Variants in CMIP observed in about 807,000 individuals in gnomAD.
CMIP encodes the protein C-Maf-inducing protein.
In CMIP, 13 loss-of-function variants were observed where a neutral mutation model predicts 97.3. The ratio of observed to expected loss-of-function variants is 0.13; its 90% CI spans 0.09 to 0.21. The LOEUF is 0.21. CMIP is among the 10% of genes least tolerant of loss of function. The pLI, the probability that CMIP is intolerant of heterozygous loss-of-function variation, is 1.00. For synonymous variants in CMIP, 538 were observed against 436.3 expected, an observed-to-expected ratio of 1.23 and a Z score of -2.91; for missense variants, 847 against 1,024.9, an observed-to-expected ratio of 0.83 and a Z score of 2.37.
chr16:81,490,989 C>G (rs891565558), intron 1 of CMIP, among the ~76,000 whole-genome samples: 1 of 152,102 alleles, frequency 6.6e-6, no homozygotes, highest in Non-Finnish European at 1.5e-5. Flanking sequence ...GGGGTCCAGC[C>G]TGCACACAGT....
intron 20 of CMIP, among the ~76,000 whole-genome samples, chr16:81,709,087 A>G (rs1908469913): frequency 6.6e-6 from 1 of 152,206 alleles, no homozygotes. Context: ...GGTAGCAGAA[A>G]CAGAAAGCAG....
At chr16:81,642,662 G>A (rs763632509) in intron 3 of CMIP, among the ~76,000 whole-genome samples, 9 of 152,152 alleles carry the variant, frequency 5.9e-5, no homozygotes, top group African/African-American at 1.7e-4. Context: ...TGTATCTGCC[G>A]GGCGCGGTGG....
chr16:81,698,302 G>C (rs1356389357), intron 14 of CMIP, among the ~76,000 whole-genome samples: 1 of 152,160 alleles, frequency 6.6e-6, no homozygotes. Context: ...CGGTGACCGG[G>C]GACCCCTGCC....
chr16:81,568,894 G>A (rs11649004), intron 1 of CMIP, among the ~76,000 whole-genome samples: 62,333 of 152,078 alleles, frequency 0.41, 14,780 homozygotes, highest in Non-Finnish European at 0.53. Flanking sequence ...ATAAGCCGAA[G>A]TAGCTGTGAA....
At chr16:81,568,083 A>G (rs1022663313) in intron 1 of CMIP, among the ~76,000 whole-genome samples, 3 of 147,076 alleles carry the variant, frequency 2.0e-5, no homozygotes, top group African/African-American at 7.6e-5. Flanking sequence ...AACTGTACAG[A>G]AAAGAGGCCC....
intron 1 of CMIP, among the ~76,000 whole-genome samples, chr16:81,487,276 G>A (rs911374121): frequency 2.3e-4 from 35 of 152,198 alleles, no homozygotes; most frequent in African/African-American, 7.7e-4. Flanking sequence ...AGAAATGGTG[G>A]CCTCTGCTAA....
rs1157748603 is a variant in CMIP, at chr16:81,615,473, TTGTGTGTGTGGTG to T, written c.427-5382_427-5370del. ...TGGTGTGTGTGTGGTGTATGTGTAT[TTGTGTGTGTGGTG>T]TGTGTGTGTGGTGTGTGTGTCTGTG... On this transcript the variant is annotated intron_variant, in intron 2 of 20. Coordinates refer to ENST00000537098, the MANE Select transcript of CMIP (RefSeq NM_198390.3). 1.7e-3 allele frequency among the ~76,000 whole-genome samples: 227 copies of T among 133,198 alleles called. 1 individual carries two copies. The highest frequency in any genetic ancestry group is 5.6e-3 in the African/African-American group (196 of 34,930). The allele number at this position is 133,198 out of a possible 152,430, so 87.4% of individuals were successfully genotyped here. A position where few individuals can be genotyped will look rare whatever the true frequency, so the allele number is the denominator to read the frequency against.
At chr16:81,583,364 G>A (rs185557624) in intron 1 of CMIP, among the ~76,000 whole-genome samples, 5 of 152,374 alleles carry the variant, frequency 3.3e-5, no homozygotes, top group African/African-American at 1.2e-4. Context: ...AGGAGGCTCT[G>A]TTCTTTAACC....
At chr16:81,495,200 C>T (rs2089467159) in intron 1 of CMIP, 1 of 810,770 alleles carries the variant, frequency 1.2e-6, no homozygotes, top group African/African-American at 1.7e-5. Flanking sequence ...CCATCATCAT[C>T]ATCATTACTG....
intron 3 of CMIP, among the ~76,000 whole-genome samples, chr16:81,634,843 G>C (rs2092214118): frequency 6.6e-6 from 1 of 152,188 alleles, no homozygotes; most frequent in Non-Finnish European, 1.5e-5. Context: ...GAACAGATCA[G>C]ATGTCCTTTG....
At chr16:81,557,636 A>G (rs2911282) in intron 1 of CMIP, among the ~76,000 whole-genome samples, 126,617 of 152,016 alleles carry the variant, frequency 0.83, 53,803 homozygotes, top group Non-Finnish European at 0.92. Flanking sequence ...TTAGCCAGGC[A>G]TGGTGGTGCA....
At chr16:81,542,271 C>G (rs894263340) in intron 1 of CMIP, among the ~76,000 whole-genome samples, 1 of 152,162 alleles carries the variant, frequency 6.6e-6, no homozygotes, top group African/African-American at 2.4e-5. Context: ...AAGTCTTTTA[C>G]CTGTGAATGA....
intron 1 of CMIP, among the ~76,000 whole-genome samples, chr16:81,586,942 C>G (rs1011346703): frequency 6.6e-6 from 1 of 152,202 alleles, no homozygotes; most frequent in Admixed American, 6.5e-5. Context: ...GGATTCAAAT[C>G]TGGGGTGTTC....
chr16:81,515,575 G>T (rs539486932), intron 1 of CMIP, among the ~76,000 whole-genome samples: 1 of 152,316 alleles, frequency 6.6e-6, no homozygotes, highest in African/African-American at 2.4e-5. Context: ...GCATCGTTAA[G>T]TGGCCATCAG....
chr16:81,533,726 G>A (rs964421812), intron 1 of CMIP, among the ~76,000 whole-genome samples: 6 of 152,120 alleles, frequency 3.9e-5, no homozygotes, highest in African/African-American at 1.4e-4. Flanking sequence ...CAGTCCACCT[G>A]CCTCTGCCTC....
At chr16:81,690,549 G>C (rs1905941038) in intron 10 of CMIP, among the ~76,000 whole-genome samples, 1 of 152,188 alleles carries the variant, frequency 6.6e-6, no homozygotes, top group Admixed American at 6.5e-5. Flanking sequence ...TGTTGTCCAG[G>C]CTAGAGTGCA....
Position 81,710,231 on chromosome 16 carries a change from G to GC in CMIP, c.*438dup, listed in dbSNP as rs1396620274. On this transcript the variant is annotated 3_prime_UTR_variant, in exon 21 of 21. Transcript: ENST00000537098. Reference sequence around the variant, plus strand: ...AGGCTCCGAGCTGAGCTGCGAACTCGCCCCCCGCCCTTGGGACAAGAAGAC... The same window carrying GC: ...AGGCTCCGAGCTGAGCTGCGAACTCGCCCCCCCGCCCTTGGGACAAGAAGAC... The GC allele has an allele frequency of 4.2e-5, 9 of 212,568 alleles. No homozygotes were observed. Among genetic ancestry groups the GC allele is most frequent in the Admixed American group, 2.1e-4 (4 of 18,984 alleles). 13.2% of individuals were successfully genotyped at this position (212,568 alleles called of 1,614,324 possible). A position where few individuals can be genotyped will look rare whatever the true frequency, so the allele number is the denominator to read the frequency against.
At chr16:81,618,283 C>T (rs186728389) in intron 2 of CMIP, among the ~76,000 whole-genome samples, 3 of 152,224 alleles carry the variant, frequency 2.0e-5, no homozygotes, top group East Asian at 1.9e-4. Flanking sequence ...AAAGGCTGTC[C>T]GCATTCCTTG....
chr16:81,689,261 T>A (rs1038548207), intron 10 of CMIP, among the ~76,000 whole-genome samples: 10 of 152,252 alleles, frequency 6.6e-5, no homozygotes, highest in South Asian at 4.1e-4. Flanking sequence ...TGAACTAGTT[T>A]ACAGTCCCAC....
Sources: gnomAD v4.1 joint callset for allele counts (sites outside exome capture counted in the v4.1 genomes callset) on GRCh38, gnomAD v4.1.1 for gene constraint, MANE v1.5 for transcripts, NCBI Gene and HGNC (gene_info 2026-07-23, HGNC 2026-07-21) for gene names.